Variants in SCN7A observed in about 807,000 individuals in gnomAD.
SCN7A encodes sodium channel protein type 7 subunit alpha.
Under a neutral mutation model 155.2 loss-of-function variants are expected in SCN7A, and 138 were observed. That is an observed-to-expected ratio of 0.89 (90% CI 0.77 to 1.02). The LOEUF is 1.02. SCN7A is among the 50% of genes least tolerant of loss of function. The probability of loss-of-function intolerance (pLI) is 0.00; values close to 1 mark genes in which losing one functional copy is unlikely to be tolerated. For synonymous variants in SCN7A, 693 were observed against 649.0 expected, an observed-to-expected ratio of 1.07 and a Z score of -1.03; for missense variants, 2,058 against 1,986.6, an observed-to-expected ratio of 1.04 and a Z score of -0.68.
chr2:166,414,002 T>TATATATATATATATATATAA lies in SCN7A; in HGVS notation c.3415-882_3415-881insTTATATATATATATATATAT, dbSNP rs1443391022. ...ATGTGTATATATATATATATATATA[T>TATATATATATATATATATAA]AAATATACTATATATATGTAAATAT... On this transcript the variant is annotated intron_variant, in intron 21 of 25. Coordinates refer to ENST00000643258, the MANE Select transcript of SCN7A (RefSeq NM_002976.4). Among the ~76,000 whole-genome samples, 86 of 90,290 alleles carry TATATATATATATATATATAA rather than the reference T, an allele frequency of 9.5e-4. 3 individuals are homozygous for TATATATATATATATATATAA. Among genetic ancestry groups the TATATATATATATATATATAA allele is most frequent in the African/African-American group, 3.5e-3 (78 of 22,078 alleles). The allele number at this position is 90,290 out of a possible 152,430, so 59.2% of individuals were successfully genotyped here. A position where few individuals can be genotyped will look rare whatever the true frequency, so the allele number is the denominator to read the frequency against.
intron 10 of SCN7A, among the ~76,000 whole-genome samples, chr2:166,459,031 G>A (rs1702345582): frequency 6.6e-6 from 1 of 152,120 alleles, no homozygotes; most frequent in Non-Finnish European, 1.5e-5. Context: ...AGGGACTTGA[G>A]AATTCATGGA....
chr2:166,474,988 A>G (rs1057306717), intron 3 of SCN7A, among the ~76,000 whole-genome samples: 17 of 149,526 alleles, frequency 1.1e-4, no homozygotes, highest in Middle Eastern at 3.5e-3. Context: ...TCATATATCT[A>G]TGTGTACATG....
chr2:166,413,537 G>C (rs1257928315), intron 21 of SCN7A, among the ~76,000 whole-genome samples: 4 of 152,128 alleles, frequency 2.6e-5, no homozygotes, highest in South Asian at 4.1e-4. Flanking sequence ...GAGATAAAAA[G>C]TAGTGACTTG....
rs1265726478 is a variant in SCN7A at position 166,470,685 on chromosome 2, A to G, written c.594T>C (p.Pro198=). Residue 198 remains proline, a synonymous_variant, in exon 7 of 26, where the codon CCT becomes CCC. Coordinates refer to ENST00000643258, the MANE Select transcript of SCN7A (RefSeq NM_002976.4). ...TVFEVIIRYS[P]LDFIPTLQTA... ...TTTGAAGCGTTGGAATGAAGTCCAG[A>G]GGTGAGTATCTTATAATAACCCTGT... 1 of 1,608,704 alleles carries G rather than the reference A, an allele frequency of 6.2e-7. No homozygotes were observed. The highest frequency in any genetic ancestry group is 1.7e-5 in the Admixed American group (1 of 59,550).
In SCN7A at chr2:166,486,984, T is replaced by G. The variant is rs1703067401; in HGVS notation, c.-127-16A>C. ...GGTGGAGGACCTGTTGCAAAACAGT[T>G]CTAAAGCTTGAAATCAGACAAACAC... On this transcript the variant is annotated splice_polypyrimidine_tract_variant and intron_variant, in intron 1 of 25. Transcript: ENST00000643258. The G allele has an allele frequency of 6.6e-6, 1 of 152,214 alleles. No homozygotes were observed. Among genetic ancestry groups the G allele is most frequent in the South Asian group, 2.1e-4 (1 of 4,828 alleles). The allele number at this position is 152,214 out of a possible 1,614,324, so 9.4% of individuals were successfully genotyped here.
chr2:166,406,690 C>CAATA (rs1339732938), intron 25 of SCN7A, 44 bp from the exon 26 acceptor site: 3 of 1,294,606 alleles, frequency 2.3e-6, no homozygotes, highest in African/African-American at 1.5e-5. Flanking sequence ...TATTCAAACA[C>CAATA]AATAGTATTT....
rs1171287728 is a variant in SCN7A at position 166,478,591 on chromosome 2, G to A, written c.-14-881C>T. On this transcript the variant is annotated intron_variant, in intron 2 of 25. Coordinates refer to ENST00000643258, the MANE Select transcript of SCN7A (RefSeq NM_002976.4). The stretch of plus-strand genomic sequence containing the variant: ...TGACTAGAATTACTCTTTAACCTGT[G>A]AGCTACTGTAAAAATAAAAACTCAA... Among the ~76,000 whole-genome samples, 7 of 151,926 alleles carry A rather than the reference G, an allele frequency of 4.6e-5. No homozygotes were observed. The East Asian group carries it at 1.4e-3, about 29-fold the overall frequency.
intron 2 of SCN7A, among the ~76,000 whole-genome samples, chr2:166,478,423 C>A (rs1702849463): frequency 6.6e-6 from 1 of 151,670 alleles, no homozygotes; most frequent in African/African-American, 2.4e-5. Flanking sequence ...CACAGGCAAA[C>A]AGAGTTTTAA....
chr2:166,465,839 G>A lies in SCN7A; in HGVS notation c.813C>T (p.Pro271=). The A allele has an allele frequency of 8.7e-6, 14 of 1,613,630 alleles. No homozygotes were observed. The highest frequency in any genetic ancestry group is 1.2e-5 in the Non-Finnish European group (14 of 1,179,826). The part of the protein sequence containing the change: ...GNLKHKCFRW[P]QENENETLHN... ...GCAGGGTTTCATTTTCATTCTCTTG[G>A]GGCCATCGAAAACATTTATGTTTCA... The change falls in exon 8 of 26, where the codon CCC becomes CCT. Residue 271 remains proline (P), a synonymous_variant. Transcript: ENST00000643258.
intron 2 of SCN7A, among the ~76,000 whole-genome samples, chr2:166,484,390 T>C (rs1427807747): frequency 6.6e-6 from 1 of 151,866 alleles, no homozygotes; most frequent in African/African-American, 2.4e-5. Context: ...GATATATTTA[T>C]GTACCTATGA....
In SCN7A at chr2:166,429,267, T is replaced by C. The variant is rs1311006291; in HGVS notation, c.2600A>G (p.Lys867Arg). ...ACTGCATTCAGATGAGCTAGATTGC[T>C]TTATTTTCTAAAAGGTGAAGTCCCA... Reference protein sequence around the residue: ...SGDGGSKEKIKQSSSSECSTV... With the variant: ...SGDGGSKEKIRQSSSSECSTV... The change falls in exon 17 of 26, where the codon AAG becomes AGG. Residue 867 changes from lysine to arginine, a missense_variant. By Grantham distance (26) the Lys-to-Arg change is conservative. Transcript: ENST00000643258. 9 of 1,525,432 alleles carry C rather than the reference T, an allele frequency of 5.9e-6. No homozygotes were observed. The highest frequency in any genetic ancestry group is 6.2e-6 in the Non-Finnish European group (7 of 1,134,134). 94.5% of individuals were successfully genotyped at this position (1,525,432 alleles called of 1,614,324 possible). A position where few individuals can be genotyped will look rare whatever the true frequency, so the allele number is the denominator to read the frequency against.
intron 19 of SCN7A, 103 bp downstream of exon 19, chr2:166,423,156 G>A: frequency 9.0e-7 from 1 of 1,110,340 alleles, no homozygotes; most frequent in South Asian, 1.5e-5. Flanking sequence ...AATGTAGAGA[G>A]AGAGGGAAAG....
intron 24 of SCN7A, 72 bp from the exon 25 acceptor site, chr2:166,410,007 A>C (rs946003282): frequency 1.5e-6 from 2 of 1,352,340 alleles, no homozygotes; most frequent in Non-Finnish European, 2.0e-6. Context: ...TCTTTTATAC[A>C]CTACAACTTT....
At chr2:166,415,345 T>G (rs889301974) in intron 21 of SCN7A, among the ~76,000 whole-genome samples, 1 of 151,620 alleles carries the variant, frequency 6.6e-6, no homozygotes, top group African/African-American at 2.4e-5. Context: ...CTGCCTCAGC[T>G]TCCCAAGTAG....
chr2:166,414,082 T>TATATAATATATTAC (rs1701273739), intron 21 of SCN7A, among the ~76,000 whole-genome samples: 1 of 90,930 alleles, frequency 1.1e-5, no homozygotes, highest in Admixed American at 1.7e-4. Flanking sequence ...TATGTAAATA[T>TATATAATATATTAC]ATGTAAATAT....
At chr2:166,426,950 G>A (rs772555201) in intron 18 of SCN7A, among the ~76,000 whole-genome samples, 1 of 152,022 alleles carries the variant, frequency 6.6e-6, no homozygotes, top group East Asian at 1.9e-4. Context: ...CAGTTAACTA[G>A]ATCTTGTATG....
intron 2 of SCN7A, among the ~76,000 whole-genome samples, chr2:166,478,362 C>T (rs1345613708): frequency 6.6e-6 from 1 of 150,958 alleles, no homozygotes; most frequent in African/African-American, 2.4e-5. Context: ...ACTCTGATAT[C>T]TCTTAAGGGT....
rs918635618 is a variant in SCN7A, at chr2:166,409,650, T to C, written c.3982+15A>G. The C allele has an allele frequency of 1.4e-6, 2 of 1,465,334 alleles. No homozygotes were observed. Among genetic ancestry groups the C allele is most frequent in the African/African-American group, 2.9e-5 (2 of 69,476 alleles). 90.8% of individuals were successfully genotyped at this position (1,465,334 alleles called of 1,614,324 possible). On this transcript the variant is annotated intron_variant, in intron 25 of 25. Transcript: ENST00000643258. ...ATATTATTATCAGTAAAAATTTGAC[T>C]AAACAAAATCTTACCTGTGATGGAG...
Position 166,406,436 on chromosome 2 carries a change from C to A in SCN7A, c.4193G>T (p.Gly1398Val), listed in dbSNP as rs954544990. The A allele has an allele frequency of 6.2e-7, 1 of 1,612,910 alleles. No individual in the cohort carries two copies. The highest frequency in any genetic ancestry group is 8.5e-7 in the Non-Finnish European group (1 of 1,179,324). Residue 1398 changes from glycine to valine, a missense_variant, in exon 26 of 26, where the codon GGA becomes GTA. Coordinates refer to ENST00000643258, the MANE Select transcript of SCN7A (RefSeq NM_002976.4). The stretch of plus-strand genomic sequence containing the variant: ...TTTAACATAGGCAAAATTATACATT[C>A]CAAATACGGCATAGATGAACATGAC... Reference protein sequence around the residue: ...FLVMFIYAVFGMYNFAYVKKE... With the variant: ...FLVMFIYAVFVMYNFAYVKKE...
Sources: gnomAD v4.1 joint callset for allele counts (sites outside exome capture counted in the v4.1 genomes callset) on GRCh38, gnomAD v4.1.1 for gene constraint, MANE v1.5 for transcripts, NCBI Gene and HGNC (gene_info 2026-07-23, HGNC 2026-07-21) for gene names.